Variants in ADAM7 observed in about 807,000 individuals in gnomAD.
ADAM7 encodes ADAM metallopeptidase domain 7.
In ADAM7, 97 loss-of-function variants were observed where a neutral mutation model predicts 102.9. The observed-to-expected ratio is 0.94, with a 90% CI of 0.80 to 1.12. The LOEUF is 1.12. ADAM7 is among the 50% of genes most tolerant of loss of function. The pLI is 0.00. For synonymous variants in ADAM7, 334 were observed against 304.4 expected (o/e 1.10, Z -1.01); for missense variants, 991 against 908.7 (o/e 1.09, Z -1.16).
At chr8:24,468,511 A>T (rs1434451487) in intron 6 of ADAM7, among the ~76,000 whole-genome samples, 1 of 152,102 alleles carries the variant, frequency 6.6e-6, no homozygotes, top group Non-Finnish European at 1.5e-5. Flanking sequence ...TAAAAAATAA[A>T]ATTAAATTTA....
intron 3 of ADAM7, among the ~76,000 whole-genome samples, chr8:24,450,713 T>A (rs939453853): frequency 2.0e-5 from 3 of 151,468 alleles, no homozygotes; most frequent in African/African-American, 7.3e-5. Flanking sequence ...AGAGAGGGCA[T>A]CCCTGTCTTG....
chr8:24,491,413 T>A (rs1270916101), intron 13 of ADAM7, among the ~76,000 whole-genome samples: 3 of 152,192 alleles, frequency 2.0e-5, no homozygotes, highest in Non-Finnish European at 4.4e-5. Context: ...CCCAGCGTAA[T>A]TAAATTCTTA....
In ADAM7 at chr8:24,482,189, A is replaced by G. The variant is rs149396012; in HGVS notation, c.753A>G (p.Ile251Met). ...ATGTGACGTTGGTTGGCATTGAAAT[A>G]TGGACACATGAAGATAAAATAGAAC... is the stretch of plus-strand genomic sequence containing the variant. ...NIHVTLVGIEIWTHEDKIELY... is the reference protein window; with the variant it reads ...NIHVTLVGIEMWTHEDKIELY... The change falls in exon 9 of 22, where the codon ATA becomes ATG. Residue 251 changes from isoleucine to methionine, a missense_variant. By Grantham distance (10) the Ile-to-Met change is conservative. Transcript: ENST00000175238. 3 of 1,602,704 alleles carry G rather than the reference A, an allele frequency of 1.9e-6. No individual in the cohort carries two copies. In the African/African-American group the frequency reaches 4.0e-5, roughly 22 times the overall value.
Position 24,501,365 on chromosome 8 carries a change from TG to T in ADAM7, c.2109-111del. ...TATTTCAATATATTTAACATTGTAA[TG>T]AAATGGAAATTTTTGAAATATAAAA... On this transcript the variant is annotated intron_variant, in intron 19 of 21. Transcript: ENST00000175238. The T allele has an allele frequency of 5.5e-6, 4 of 732,906 alleles. No individual in the cohort carries two copies. In the South Asian group the frequency reaches 7.8e-5, roughly 14 times the overall value. 45.4% of individuals were successfully genotyped at this position (732,906 alleles called of 1,614,324 possible).
chr8:24,441,724 C>T (rs1444967059), intron 1 of ADAM7, among the ~76,000 whole-genome samples: 2 of 152,126 alleles, frequency 1.3e-5, no homozygotes, highest in Non-Finnish European at 2.9e-5. Flanking sequence ...ACCCAAAATT[C>T]TTTAACAGGT....
intron 10 of ADAM7, among the ~76,000 whole-genome samples, chr8:24,486,049 T>C (rs1024529987): frequency 6.6e-6 from 1 of 152,190 alleles, no homozygotes; most frequent in East Asian, 1.9e-4. Flanking sequence ...GCTTTTCCTA[T>C]GGTATTTCAG....
At chr8:24,471,264 G>C (rs1277040901) in intron 7 of ADAM7, among the ~76,000 whole-genome samples, 1 of 151,980 alleles carries the variant, frequency 6.6e-6, no homozygotes, top group African/African-American at 2.4e-5. Context: ...GTACGCTAAG[G>C]TTAATTTATT....
intron 11 of ADAM7, 86 bp downstream of exon 11, chr8:24,487,403 T>C: frequency 6.8e-7 from 1 of 1,471,502 alleles, no homozygotes; most frequent in African/African-American, 1.4e-5. Flanking sequence ...TCCCAGCACT[T>C]TGGGAGGCCG....
intron 9 of ADAM7, 140 bp downstream of exon 9, chr8:24,482,451 C>T: frequency 3.6e-6 from 3 of 844,688 alleles, no homozygotes; most frequent in African/African-American, 1.7e-5. Context: ...TTTGTAGCTA[C>T]ACAGAAAATT....
intron 3 of ADAM7, among the ~76,000 whole-genome samples, chr8:24,450,893 A>G (rs1205347974): frequency 6.6e-6 from 1 of 152,210 alleles, no homozygotes; most frequent in African/African-American, 2.4e-5. Flanking sequence ...CCTTTTCTGC[A>G]TCTATTGAGA....
intron 3 of ADAM7, among the ~76,000 whole-genome samples, chr8:24,453,918 C>T (rs1385418676): frequency 6.6e-6 from 1 of 152,220 alleles, no homozygotes; most frequent in African/African-American, 2.4e-5. Flanking sequence ...GAGGTCCACT[C>T]CAGACCTGTT....
intron 20 of ADAM7, among the ~76,000 whole-genome samples, chr8:24,504,261 G>A (rs894904981): frequency 6.6e-6 from 1 of 151,750 alleles, no homozygotes; most frequent in Non-Finnish European, 1.5e-5. Flanking sequence ...TAGCTACACG[G>A]GAGACTGAGG....
At chr8:24,473,169 T>A (rs1819661989) in intron 7 of ADAM7, among the ~76,000 whole-genome samples, 1 of 152,102 alleles carries the variant, frequency 6.6e-6, no homozygotes, top group South Asian at 2.1e-4. Flanking sequence ...CAAAGATAAA[T>A]AACCTTATCT....
intron 7 of ADAM7, among the ~76,000 whole-genome samples, chr8:24,469,672 A>G (rs1449647984): frequency 6.6e-6 from 1 of 152,196 alleles, no homozygotes; most frequent in Non-Finnish European, 1.5e-5. Context: ...ATGATATTTC[A>G]GACTGTGCTG....
At chr8:24,493,626 G>C (rs1563394062) in intron 16 of ADAM7, among the ~76,000 whole-genome samples, 1 of 152,112 alleles carries the variant, frequency 6.6e-6, no homozygotes, top group Non-Finnish European at 1.5e-5. Flanking sequence ...AAGCATACAT[G>C]AGAATTTCAT....
intron 10 of ADAM7, among the ~76,000 whole-genome samples, chr8:24,485,587 T>C (rs927284567): frequency 6.6e-6 from 1 of 152,188 alleles, no homozygotes; most frequent in African/African-American, 2.4e-5. Flanking sequence ...TTTAAACGGA[T>C]AGTATACCAC....
intron 17 of ADAM7, among the ~76,000 whole-genome samples, chr8:24,499,688 T>C (rs1447547619): frequency 1.3e-5 from 2 of 152,012 alleles, no homozygotes; most frequent in Admixed American, 6.6e-5. Flanking sequence ...TCAGCAAACA[T>C]TGTATATTTT....
In ADAM7 at chr8:24,485,387, TTAA is replaced by T. The variant is rs1015418651; in HGVS notation, c.960+31_960+33del. ...GTGGGCTGTGTTTTATTTATATTAC[TTAA>T]TAATGTTTGAATAAAATTGTTGTAA... On this transcript the variant is annotated intron_variant, in intron 10 of 21. Transcript: ENST00000175238. 2.5e-6 allele frequency: 4 copies of T among 1,586,758 alleles called. No homozygotes were observed. The African/African-American group carries it at 4.1e-5, about 16-fold the overall frequency.
At chr8:24,476,564 C>A in intron 8 of ADAM7, 60 bp downstream of exon 8, 6 of 1,362,870 alleles carry the variant, frequency 4.4e-6, no homozygotes, top group Non-Finnish European at 4.2e-6. Flanking sequence ...AACCTTTCAG[C>A]GCAGTTCTCT....
Sources: allele counts gnomAD v4.1 joint callset (sites outside exome capture counted in the v4.1 genomes callset), GRCh38; gene constraint gnomAD v4.1.1; transcripts MANE v1.5; gene names NCBI Gene and HGNC (gene_info 2026-07-23, HGNC 2026-07-21).